Variants in OSBPL10 observed in about 807,000 individuals in gnomAD.
The protein encoded by OSBPL10 is oxysterol binding protein like 10, also known as oxysterol-binding protein-related protein 10.
OSBPL10 carries 49 observed loss-of-function variants against 81.7 expected under a neutral mutation model. That is an observed-to-expected ratio of 0.60 (90% CI 0.48 to 0.76). The LOEUF (loss-of-function observed/expected upper bound fraction) is 0.76, where lower values mean the gene tolerates loss of function less well. Among genes scored for constraint, OSBPL10 ranks in the 30% least tolerant of loss-of-function variants. OSBPL10 has a pLI of 0.00. For missense variants in OSBPL10, 923 were observed against 987.8 expected (o/e 0.93, Z 0.88); for synonymous variants, 419 against 383.6 (o/e 1.09, Z -1.08).
chr3:31,741,245 G>A (rs551927781), intron 5 of OSBPL10, among the ~76,000 whole-genome samples: 18 of 152,174 alleles, frequency 1.2e-4, no homozygotes, highest in East Asian at 1.9e-4. Flanking sequence ...GAAAGCCAGC[G>A]CCTTGGTATC....
intron 6 of OSBPL10, among the ~76,000 whole-genome samples, chr3:31,710,135 G>C (rs1335288317): frequency 6.6e-6 from 1 of 152,200 alleles, no homozygotes; most frequent in Non-Finnish European, 1.5e-5. Context: ...TAGTCCTGGA[G>C]ATAAATCCTA....
intron 4 of OSBPL10, among the ~76,000 whole-genome samples, chr3:31,753,478 C>G (rs886576194): frequency 2.0e-5 from 3 of 152,116 alleles, no homozygotes; most frequent in African/African-American, 7.2e-5. Flanking sequence ...ACCCACCATG[C>G]CCGGCCGCTT....
chr3:31,786,876 A>G (rs974100416), intron 4 of OSBPL10, among the ~76,000 whole-genome samples: 4 of 152,224 alleles, frequency 2.6e-5, no homozygotes, highest in Non-Finnish European at 5.9e-5. Context: ...AGCATGGGCC[A>G]GACCAGCAGC....
At chr3:31,736,289 G>T (rs1357843135) in intron 5 of OSBPL10, among the ~76,000 whole-genome samples, 1 of 152,076 alleles carries the variant, frequency 6.6e-6, no homozygotes, top group Non-Finnish European at 1.5e-5. Context: ...TGCATTTTAT[G>T]TTATGTGTAT....
chr3:31,985,122 C>A (rs1166427695), upstream of OSBPL10, among the ~76,000 whole-genome samples: 1 of 152,116 alleles, frequency 6.6e-6, no homozygotes, highest in Non-Finnish European at 1.5e-5. Context: ...GCCTGTAGTC[C>A]CAGCTACTCA....
intron 2 of OSBPL10, among the ~76,000 whole-genome samples, chr3:31,994,775 G>C (rs551624991): frequency 1.3e-5 from 2 of 152,124 alleles, no homozygotes; most frequent in African/African-American, 4.8e-5. Context: ...TAAGATTGAG[G>C]CTCCTGAAAG....
chr3:31,701,994 G>GCATAGC (rs1695910266), intron 7 of OSBPL10, among the ~76,000 whole-genome samples: 1 of 152,034 alleles, frequency 6.6e-6, no homozygotes. Flanking sequence ...TGGCCACTGT[G>GCATAGC]CATAGCCATC....
chr3:31,846,175 G>A (rs542808303), intron 3 of OSBPL10, among the ~76,000 whole-genome samples: 9 of 152,174 alleles, frequency 5.9e-5, no homozygotes, highest in East Asian at 5.8e-4. Context: ...ACCACACTAC[G>A]CTAATTTTTT....
chr3:31,775,177 A>G (rs1575536367), intron 4 of OSBPL10, among the ~76,000 whole-genome samples: 1 of 152,176 alleles, frequency 6.6e-6, no homozygotes, highest in Middle Eastern at 3.4e-3. Context: ...CTCTCTCCAA[A>G]AAAAGAATGG....
intron 1 of OSBPL10, among the ~76,000 whole-genome samples, chr3:31,973,902 T>G (rs1333491059): frequency 6.6e-6 from 1 of 152,232 alleles, no homozygotes; most frequent in Non-Finnish European, 1.5e-5. Flanking sequence ...TTATCTGTAA[T>G]AGTCAAAAAC....
At chr3:32,027,900 T>A (rs1328613460) in intron 2 of OSBPL10, among the ~76,000 whole-genome samples, 1 of 152,232 alleles carries the variant, frequency 6.6e-6, no homozygotes, top group Non-Finnish European at 1.5e-5. Flanking sequence ...ACCTTGAGCT[T>A]CTTCCTTCTT....
intron 1 of OSBPL10, among the ~76,000 whole-genome samples, chr3:31,967,691 G>C (rs1575067791): frequency 6.6e-6 from 1 of 152,138 alleles, no homozygotes; most frequent in Non-Finnish European, 1.5e-5. Context: ...TTGGTTTAAT[G>C]GTCCTTTCAT....
At chr3:31,669,380 TG>T (rs1700271602) in intron 9 of OSBPL10, among the ~76,000 whole-genome samples, 1 of 152,148 alleles carries the variant, frequency 6.6e-6, no homozygotes, top group African/African-American at 2.4e-5. Context: ...CTAAAAAGTG[TG>T]TAAGAGTGTA....
chr3:31,846,517 T>G (rs1700636263), intron 3 of OSBPL10, among the ~76,000 whole-genome samples: 1 of 151,838 alleles, frequency 6.6e-6, no homozygotes, highest in Non-Finnish European at 1.5e-5. Context: ...TCCCAGCTAC[T>G]TGGGAGGCTG....
chr3:31,933,412 T>C (rs1697303230), intron 1 of OSBPL10, among the ~76,000 whole-genome samples: 2 of 152,116 alleles, frequency 1.3e-5, no homozygotes, highest in African/African-American at 2.4e-5. Context: ...ATAAATTTTT[T>C]TTTTTTTTAG....
At chr3:31,675,885 G>A (rs1700457898) in intron 8 of OSBPL10, among the ~76,000 whole-genome samples, 1 of 148,876 alleles carries the variant, frequency 6.7e-6, no homozygotes, top group Admixed American at 6.7e-5. Context: ...GGCGGAGCTT[G>A]CAGTGAGCCG....
At chr3:31,841,898 A>G (rs1025391976) in intron 3 of OSBPL10, among the ~76,000 whole-genome samples, 1 of 152,246 alleles carries the variant, frequency 6.6e-6, no homozygotes, top group African/African-American at 2.4e-5. Flanking sequence ...TTTGAAAAAT[A>G]TCAATAAAAG....
intron 2 of OSBPL10, among the ~76,000 whole-genome samples, chr3:32,046,200 A>T (rs1411182230): frequency 2.6e-5 from 4 of 152,128 alleles, no homozygotes; most frequent in African/African-American, 9.7e-5. Context: ...ATACCACTGG[A>T]CTCCAGCCTG....
At chr3:31,719,701 C>T (rs1696573904) in intron 6 of OSBPL10, among the ~76,000 whole-genome samples, 1 of 151,928 alleles carries the variant, frequency 6.6e-6, no homozygotes, top group South Asian at 2.1e-4. Flanking sequence ...ACTGAATTTC[C>T]CTTAAATTCC....
Sources: allele counts gnomAD v4.1 joint callset (sites outside exome capture counted in the v4.1 genomes callset), GRCh38; gene constraint gnomAD v4.1.1; transcripts MANE v1.5; gene names NCBI Gene and HGNC (gene_info 2026-07-23, HGNC 2026-07-21).